Variants in PDZRN4 observed in about 807,000 individuals in gnomAD.
The protein encoded by PDZRN4 is PDZ domain-containing RING finger protein 4.
A neutral mutation model predicts 99.0 loss-of-function variants in PDZRN4; 70 were observed. The observed-to-expected ratio is 0.71, with a 90% CI of 0.58 to 0.86. The LOEUF (loss-of-function observed/expected upper bound fraction) is 0.86, where lower values mean the gene tolerates loss of function less well. Ranked by LOEUF, PDZRN4 falls within the 40% of genes least tolerant of loss-of-function variation. The pLI is 0.00. For missense variants in PDZRN4, 1,474 were observed against 1,331.2 expected (o/e 1.11, Z -1.67); for synonymous variants, 551 against 501.6 (o/e 1.10, Z -1.32).
chr12:41,468,882 G>A (rs1482262907), intron 3 of PDZRN4, among the ~76,000 whole-genome samples: 1 of 151,828 alleles, frequency 6.6e-6, no homozygotes, highest in East Asian at 1.9e-4. Flanking sequence ...GATGGCTCAC[G>A]CCTGTAGTCC....
At position 41,203,641 on chromosome 12, in the gene PDZRN4, G is replaced by T. The variant is rs78240906; in HGVS notation, c.843+9453G>T. ...ATTAATGGTGTCCCATTTTACAGAT[G>T]AGAAGACTGAGGCACAGAGAGATCA... On this transcript the variant is annotated intron_variant, in intron 3 of 9. Transcript: ENST00000402685. 1.5e-3 allele frequency among the ~76,000 whole-genome samples: 223 copies of T among 152,144 alleles called. 4 individuals carry two copies. Among genetic ancestry groups the T allele is most frequent in the African/African-American group, 5.1e-3 (211 of 41,564 alleles).
intron 5 of PDZRN4, among the ~76,000 whole-genome samples, chr12:41,546,502 T>A (rs1938954921): frequency 6.6e-6 from 1 of 152,194 alleles, no homozygotes; most frequent in South Asian, 2.1e-4. Flanking sequence ...TAAAACTGAA[T>A]GTTGTGCCTA....
intron 3 of PDZRN4, among the ~76,000 whole-genome samples, chr12:41,469,578 T>A (rs2733278): frequency 0.52 from 79,497 of 151,604 alleles, 21,551 homozygotes; most frequent in African/African-American, 0.68. Flanking sequence ...AATGTAGTTC[T>A]GTTTCTTGCT....
intron 5 of PDZRN4, among the ~76,000 whole-genome samples, chr12:41,511,631 G>T (rs780301793): frequency 6.6e-6 from 1 of 152,126 alleles, no homozygotes; most frequent in Non-Finnish European, 1.5e-5. Flanking sequence ...GGTTAAAGGT[G>T]GGAGTGGAGG....
At chr12:41,195,512 C>A (rs1437136085) in intron 3 of PDZRN4, among the ~76,000 whole-genome samples, 2 of 151,908 alleles carry the variant, frequency 1.3e-5, no homozygotes, top group African/African-American at 4.8e-5. Flanking sequence ...ATATAGAAGA[C>A]CCAATAGTTT....
intron 5 of PDZRN4, among the ~76,000 whole-genome samples, chr12:41,545,792 A>G (rs372527499): frequency 6.6e-6 from 1 of 152,118 alleles, no homozygotes; most frequent in East Asian, 1.9e-4. Flanking sequence ...AGAGGTTTCC[A>G]TTCCATGGTT....
Position 41,358,682 on chromosome 12 carries a change from A to G in PDZRN4, c.844-147774A>G, listed in dbSNP as rs11180849. On this transcript the variant is annotated intron_variant, in intron 3 of 9. Coordinates refer to ENST00000402685, the MANE Select transcript of PDZRN4 (RefSeq NM_001164595.2). Reference sequence around the variant, plus strand: ...AATCACTCATATGTGAAACTTGAATATATTTAACAACTTTCAGTGCATCTT... The same window carrying G: ...AATCACTCATATGTGAAACTTGAATGTATTTAACAACTTTCAGTGCATCTT... Among the ~76,000 whole-genome samples, 578 of 152,094 alleles carry G rather than the reference A, an allele frequency of 3.8e-3. 18 individuals carry two copies. The East Asian group carries it at 0.09, about 24-fold the overall frequency.
At chr12:41,285,323 T>A (rs1951416009) in intron 3 of PDZRN4, among the ~76,000 whole-genome samples, 1 of 152,128 alleles carries the variant, frequency 6.6e-6, no homozygotes, top group Admixed American at 6.5e-5. Context: ...TCATTCCAGT[T>A]AGAATGGCAG....
At chr12:41,434,615 C>T (rs1952613206) in intron 3 of PDZRN4, among the ~76,000 whole-genome samples, 1 of 152,128 alleles carries the variant, frequency 6.6e-6, no homozygotes, top group Admixed American at 6.6e-5. Flanking sequence ...AGTTTAGCCT[C>T]TTATACGTCA....
chr12:41,233,484 C>G (rs913065458), intron 3 of PDZRN4, among the ~76,000 whole-genome samples: 1 of 152,132 alleles, frequency 6.6e-6, no homozygotes, highest in Non-Finnish European at 1.5e-5. Flanking sequence ...AAGACACATG[C>G]ACACGTATGT....
chr12:41,308,589 CT>C (rs1220414263), intron 3 of PDZRN4, among the ~76,000 whole-genome samples: 5 of 152,094 alleles, frequency 3.3e-5, no homozygotes, highest in African/African-American at 1.2e-4. Context: ...AGAAATAAAT[CT>C]CATATTGTCA....
intron 3 of PDZRN4, among the ~76,000 whole-genome samples, chr12:41,393,584 G>C (rs1173326392): frequency 2.0e-5 from 3 of 152,046 alleles, no homozygotes; most frequent in African/African-American, 7.2e-5. Context: ...AATGGTAACT[G>C]TTCTAGATAT....
chr12:41,523,294 G>T (rs17129440), intron 5 of PDZRN4, among the ~76,000 whole-genome samples: 2,272 of 152,176 alleles, frequency 0.015, 23 homozygotes, highest in African/African-American at 0.024. Flanking sequence ...TAGCTGAAAG[G>T]TCCCTCTCAT....
chr12:41,442,173 G>T (rs537047277), intron 3 of PDZRN4, among the ~76,000 whole-genome samples: 4 of 151,952 alleles, frequency 2.6e-5, no homozygotes, highest in African/African-American at 9.7e-5. Context: ...AATGCAATTT[G>T]TAATTGCTCC....
chr12:41,458,391 A>C (rs968986255), intron 3 of PDZRN4, among the ~76,000 whole-genome samples: 7 of 152,166 alleles, frequency 4.6e-5, no homozygotes, highest in Admixed American at 3.9e-4. Flanking sequence ...TACTGACCTC[A>C]GGTGATCCGC....
chr12:41,340,245 A>T (rs1256745939), intron 3 of PDZRN4, among the ~76,000 whole-genome samples: 1 of 152,100 alleles, frequency 6.6e-6, no homozygotes, highest in Non-Finnish European at 1.5e-5. Flanking sequence ...CGATTCAGCC[A>T]TGAAAAAGAA....
chr12:41,395,003 T>C (rs1016201990), intron 3 of PDZRN4, among the ~76,000 whole-genome samples: 6 of 152,108 alleles, frequency 3.9e-5, no homozygotes, highest in Admixed American at 2.6e-4. Flanking sequence ...AAGTATGAAA[T>C]AATTTTTTAA....
chr12:41,375,084 T>C (rs1435075289), intron 3 of PDZRN4, among the ~76,000 whole-genome samples: 1 of 152,276 alleles, frequency 6.6e-6, no homozygotes, highest in Admixed American at 6.5e-5. Flanking sequence ...TAGCAGCTGA[T>C]AGGAGCCGAG....
chr12:41,512,900 C>A (rs1231880963), intron 5 of PDZRN4, among the ~76,000 whole-genome samples: 1 of 152,062 alleles, frequency 6.6e-6, no homozygotes, highest in East Asian at 1.9e-4. Context: ...GAGTGAAGCA[C>A]ACCTTTTGGC....
Sources: allele counts gnomAD v4.1 joint callset (sites outside exome capture counted in the v4.1 genomes callset), GRCh38; gene constraint gnomAD v4.1.1; transcripts MANE v1.5; gene names NCBI Gene and HGNC (gene_info 2026-07-23, HGNC 2026-07-21).